Variants in TOX observed in about 807,000 individuals in gnomAD.
TOX encodes the protein thymocyte selection associated high mobility group box, also known as thymocyte selection-associated high mobility group box protein TOX.
TOX carries 11 observed loss-of-function variants against 53.7 expected under a neutral mutation model. The ratio of observed to expected loss-of-function variants is 0.20; its 90% CI spans 0.13 to 0.34. The LOEUF is 0.34. Among genes scored for constraint, TOX ranks in the 10% least tolerant of loss-of-function variants. The pLI is 1.00. For missense variants in TOX, 570 were observed against 664.6 expected, an observed-to-expected ratio of 0.86 and a Z score of 1.56; for synonymous variants, 225 against 245.3, an observed-to-expected ratio of 0.92 and a Z score of 0.77.
Position 58,851,538 on chromosome 8 carries a change from C to T in TOX, c.679G>A (p.Asp227Asn). 2 of 1,612,874 alleles carry T rather than the reference C, an allele frequency of 1.2e-6. No homozygotes were observed. The highest frequency in any genetic ancestry group is 1.1e-5 in the South Asian group (1 of 91,026). ...PSSSVHEDEG[D>N]DTSKINGGEK... ...CTTATTCATACCTTAGAGGTATCATCGCCTTCATCTTCATGCACTGAACTG... is the reference window on the plus strand; with the variant it reads ...CTTATTCATACCTTAGAGGTATCATTGCCTTCATCTTCATGCACTGAACTG... The change falls in exon 4 of 9, where the codon GAT (aspartate) becomes AAT (asparagine). Residue 227 changes from aspartate to asparagine, a missense_variant. Physicochemically the swap from Asp to Asn is conservative, Grantham distance 23. This residue lies in a region of TOX where 282 missense variants were observed against 315.0 expected (regional missense o/e 0.90). Transcript: ENST00000361421. The surrounding 1 kb of genome is among the most constrained non-coding windows in gnomAD (Gnocchi z 4.4).
chr8:59,037,162 A>G (rs1334384351), intron 1 of TOX, among the ~76,000 whole-genome samples: 1 of 138,560 alleles, frequency 7.2e-6, no homozygotes, highest in Non-Finnish European at 1.5e-5. Flanking sequence ...AATGTTTCCA[A>G]GCTCCTTTTT....
intron 1 of TOX, among the ~76,000 whole-genome samples, chr8:59,002,314 C>T (rs1585955951): frequency 6.7e-6 from 1 of 149,572 alleles, no homozygotes; most frequent in South Asian, 2.2e-4. Context: ...GACATAGGGC[C>T]GGGCACAGTG....
chr8:59,069,663 C>T (rs994898643), intron 1 of TOX, among the ~76,000 whole-genome samples: 1 of 152,004 alleles, frequency 6.6e-6, no homozygotes, highest in Non-Finnish European at 1.5e-5. Context: ...TCAGAGATAG[C>T]GCCAAAATTT....
Position 58,826,697 on chromosome 8 carries a change from C to T in TOX, c.1005+125G>A, listed in dbSNP as rs1037793561. 10 of 807,088 alleles carry T rather than the reference C, an allele frequency of 1.2e-5. No individual in the cohort carries two copies. In the South Asian group the frequency reaches 2.5e-4, roughly 20 times the overall value. 50.0% of individuals were successfully genotyped at this position (807,088 alleles called of 1,614,324 possible). ...ATCGTATAGCTTTGTTTGTAATTTA[C>T]TTTTTTTTCCAACAAAGAAGATTGT... On this transcript the variant is annotated intron_variant, in intron 6 of 8. Transcript: ENST00000361421.
chr8:58,845,289 C>T (rs1810704025), intron 4 of TOX, among the ~76,000 whole-genome samples: 1 of 152,108 alleles, frequency 6.6e-6, no homozygotes, highest in South Asian at 2.1e-4. Context: ...GAACAAACAA[C>T]ATAGAACTCC....
chr8:58,980,659 A>G lies in TOX; in HGVS notation c.103-20651T>C, dbSNP rs577143063. On this transcript the variant is annotated intron_variant, in intron 1 of 8. Transcript: ENST00000361421. ...CCTACAAAGTGGAAGGGGAAAGAAA[A>G]AAACCAAGGCAATGTGGTCCCTGCC... Among the ~76,000 whole-genome samples the G allele has an allele frequency of 8.5e-5, 13 of 152,318 alleles. No homozygotes were observed. The South Asian group carries it at 2.7e-3, about 32-fold the overall frequency.
At chr8:58,882,814 A>C (rs1486197799) in intron 3 of TOX, among the ~76,000 whole-genome samples, 1 of 152,224 alleles carries the variant, frequency 6.6e-6, no homozygotes, top group Non-Finnish European at 1.5e-5. Flanking sequence ...CATTGGGAAA[A>C]GAGTTAACTG....
chr8:59,000,572 T>C (rs1813672161), intron 1 of TOX, among the ~76,000 whole-genome samples: 1 of 152,196 alleles, frequency 6.6e-6, no homozygotes, highest in African/African-American at 2.4e-5. Context: ...TCAGTTTGGC[T>C]TGAAAATCTT....
chr8:58,810,091 C>T (rs986478818), intron 7 of TOX, among the ~76,000 whole-genome samples: 14 of 151,808 alleles, frequency 9.2e-5, no homozygotes, highest in Non-Finnish European at 1.8e-4. Flanking sequence ...ACTAATGCAA[C>T]CCTTATGCCT....
At chr8:58,999,261 A>G (rs1272230956) in intron 1 of TOX, among the ~76,000 whole-genome samples, 2 of 152,200 alleles carry the variant, frequency 1.3e-5, no homozygotes, top group East Asian at 3.8e-4. Flanking sequence ...GAACCTGATG[A>G]AAGAAATACA....
chr8:59,089,952 C>A (rs1563442933), intron 1 of TOX, among the ~76,000 whole-genome samples: 1 of 152,214 alleles, frequency 6.6e-6, no homozygotes, highest in South Asian at 2.1e-4. Context: ...GGCCAGCATT[C>A]TCCAGTGATG....
chr8:58,908,110 A>G (rs1811849038), intron 3 of TOX, among the ~76,000 whole-genome samples: 1 of 152,088 alleles, frequency 6.6e-6, no homozygotes, highest in African/African-American at 2.4e-5. Flanking sequence ...AGCCCCCGCC[A>G]TAGGCCCCCA....
intron 1 of TOX, among the ~76,000 whole-genome samples, chr8:59,006,397 A>G (rs1001587636): frequency 6.6e-6 from 1 of 152,208 alleles, no homozygotes; most frequent in African/African-American, 2.4e-5. Flanking sequence ...CTCGCTTGGA[A>G]AAGTAGCTGC....
chr8:58,998,426 T>C (rs555136539), intron 1 of TOX, among the ~76,000 whole-genome samples: 76 of 144,472 alleles, frequency 5.3e-4, no homozygotes, highest in African/African-American at 2.0e-3. Flanking sequence ...GAGGCAGAGG[T>C]TGCAGTGAGC....
intron 3 of TOX, among the ~76,000 whole-genome samples, chr8:58,887,557 G>C (rs1811489660): frequency 6.6e-6 from 1 of 151,868 alleles, no homozygotes; most frequent in Non-Finnish European, 1.5e-5. Context: ...GAGCAAAGTA[G>C]TCTCTTATGA....
intron 1 of TOX, among the ~76,000 whole-genome samples, chr8:59,091,785 C>T (rs754337335): frequency 5.9e-5 from 9 of 152,120 alleles, no homozygotes; most frequent in Non-Finnish European, 1.3e-4. Context: ...TTTCTACCTA[C>T]ATCCCAAATC....
chr8:58,990,570 A>G (rs1380878834), intron 1 of TOX, among the ~76,000 whole-genome samples: 1 of 152,146 alleles, frequency 6.6e-6, no homozygotes, highest in Non-Finnish European at 1.5e-5. Context: ...TACTTGAAGG[A>G]TACTGAAGTT....
At chr8:58,972,893 C>T (rs748877891) in intron 1 of TOX, among the ~76,000 whole-genome samples, 3 of 152,114 alleles carry the variant, frequency 2.0e-5, no homozygotes, top group Non-Finnish European at 4.4e-5. Flanking sequence ...AAAATACCTT[C>T]GGAACAGTTC....
chr8:58,817,301 A>G (rs1257034594), intron 6 of TOX, among the ~76,000 whole-genome samples: 1 of 152,168 alleles, frequency 6.6e-6, no homozygotes, highest in Non-Finnish European at 1.5e-5. Context: ...CATTAAAAAC[A>G]TCAAAAACTG....
Sources: gnomAD v4.1 joint callset for allele counts (sites outside exome capture counted in the v4.1 genomes callset) on GRCh38, gnomAD v4.1.1 for gene constraint, gnomAD v4.1.1 regional missense constraint, Gnocchi (gnomAD v3.1) non-coding constraint, MANE v1.5 for transcripts, NCBI Gene and HGNC (gene_info 2026-07-23, HGNC 2026-07-21) for gene names.